The following GPC5 variants were observed in gnomAD, a reference collection of about 807,000 sequenced individuals.
GPC5 encodes glypican 5, also known as glypican-5.
GPC5 carries 47 observed loss-of-function variants against 53.9 expected under a neutral mutation model. The observed-to-expected ratio is 0.87, with a 90% CI of 0.69 to 1.11. GPC5 has a LOEUF of 1.11. Among genes scored for constraint, GPC5 ranks in the 50% most tolerant of loss-of-function variants. The pLI is 0.00. For missense variants in GPC5, 748 were observed against 713.1 expected (o/e 1.05, Z -0.56); for synonymous variants, 286 against 263.3 (o/e 1.09, Z -0.84).
At chr13:92,281,133 C>T (rs1036480528) in intron 7 of GPC5, among the ~76,000 whole-genome samples, 10 of 152,142 alleles carry the variant, frequency 6.6e-5, no homozygotes, top group Non-Finnish European at 8.8e-5. Context: ...CCCACGCCCA[C>T]GGAGCCTCGC....
At chr13:92,567,350 A>G (rs1348104150) in intron 7 of GPC5, among the ~76,000 whole-genome samples, 1 of 152,156 alleles carries the variant, frequency 6.6e-6, no homozygotes, top group South Asian at 2.1e-4. Context: ...ACCCAGTTCG[A>G]CACAAAATTT....
chr13:92,559,700 CA>C (rs1256680374), intron 7 of GPC5, among the ~76,000 whole-genome samples: 1 of 151,634 alleles, frequency 6.6e-6, no homozygotes, highest in Non-Finnish European at 1.5e-5. Context: ...CTTACCTTGC[CA>C]GGGGAAACTC....
chr13:91,434,462 G>C (rs544690727), intron 1 of GPC5, among the ~76,000 whole-genome samples: 17 of 152,058 alleles, frequency 1.1e-4, no homozygotes, highest in South Asian at 6.2e-4. Flanking sequence ...ATAGGGAATC[G>C]TTTCCCCATT....
intron 7 of GPC5, among the ~76,000 whole-genome samples, chr13:92,541,566 G>T (rs549513089): frequency 2.0e-5 from 3 of 147,276 alleles, no homozygotes; most frequent in African/African-American, 4.8e-5. Flanking sequence ...CCCTGCTCTA[G>T]AAATAGCTTT....
chr13:92,222,914 C>A (rs2042459935), intron 7 of GPC5, among the ~76,000 whole-genome samples: 2 of 152,094 alleles, frequency 1.3e-5, no homozygotes, highest in South Asian at 2.1e-4. Flanking sequence ...CAGTATGTAC[C>A]AGCTATTGGG....
At chr13:91,800,052 A>G (rs1388796652) in intron 5 of GPC5, among the ~76,000 whole-genome samples, 3 of 152,028 alleles carry the variant, frequency 2.0e-5, no homozygotes, top group Admixed American at 6.6e-5. Context: ...TCCTTCCACA[A>G]TATTCTAAAC....
intron 7 of GPC5, among the ~76,000 whole-genome samples, chr13:92,742,234 T>C (rs1303747620): frequency 1.3e-5 from 2 of 151,254 alleles, no homozygotes; most frequent in Non-Finnish European, 3.0e-5. Flanking sequence ...CTCCACATCC[T>C]CTCCAGCACC....
chr13:91,667,583 G>A (rs1454280442), intron 2 of GPC5, among the ~76,000 whole-genome samples: 1 of 152,080 alleles, frequency 6.6e-6, no homozygotes, highest in African/African-American at 2.4e-5. Context: ...GATGCACTGG[G>A]GATCAATCGC....
intron 7 of GPC5, among the ~76,000 whole-genome samples, chr13:92,626,268 A>G (rs1168339153): frequency 6.6e-6 from 1 of 152,198 alleles, no homozygotes; most frequent in Non-Finnish European, 1.5e-5. Context: ...GGGGATTCTC[A>G]TTCCTCAGGA....
At chr13:92,615,022 T>C (rs1345548235) in intron 7 of GPC5, among the ~76,000 whole-genome samples, 2 of 152,208 alleles carry the variant, frequency 1.3e-5, no homozygotes, top group Non-Finnish European at 2.9e-5. Context: ...GACAAAACAG[T>C]AATGCTTTTC....
intron 7 of GPC5, among the ~76,000 whole-genome samples, chr13:92,713,572 C>T (rs1386277421): frequency 1.4e-5 from 2 of 147,072 alleles, no homozygotes; most frequent in East Asian, 2.0e-4. Context: ...CGTGCCAATA[C>T]ACTCCAGCTT....
At chr13:91,435,046 A>C (rs1313179291) in intron 1 of GPC5, among the ~76,000 whole-genome samples, 2 of 152,208 alleles carry the variant, frequency 1.3e-5, no homozygotes, top group Non-Finnish European at 2.9e-5. Context: ...TTGTATGCTG[A>C]GACTTTGCTG....
chr13:91,959,251 A>G (rs1305401509), intron 6 of GPC5, among the ~76,000 whole-genome samples: 1 of 152,018 alleles, frequency 6.6e-6, no homozygotes, highest in Non-Finnish European at 1.5e-5. Flanking sequence ...AAATACAAAG[A>G]TCATCAGAGA....
At chr13:92,763,879 C>A (rs1566408219) in intron 7 of GPC5, among the ~76,000 whole-genome samples, 1 of 152,044 alleles carries the variant, frequency 6.6e-6, no homozygotes, top group Non-Finnish European at 1.5e-5. Context: ...GCAATAGAAC[C>A]AATAGAGCAG....
chr13:92,150,494 A>G (rs2041899278), intron 7 of GPC5, among the ~76,000 whole-genome samples: 1 of 152,030 alleles, frequency 6.6e-6, no homozygotes, highest in Non-Finnish European at 1.5e-5. Flanking sequence ...TTTCTAAATA[A>G]TTGATACTCA....
intron 6 of GPC5, among the ~76,000 whole-genome samples, chr13:92,083,058 A>G (rs780506698): frequency 5.3e-5 from 8 of 152,216 alleles, no homozygotes; most frequent in Non-Finnish European, 1.2e-4. Context: ...CATCACGGAG[A>G]TGCTTAAAAT....
intron 7 of GPC5, among the ~76,000 whole-genome samples, chr13:92,169,626 T>G (rs188456070): frequency 2.6e-5 from 4 of 152,194 alleles, no homozygotes; most frequent in African/African-American, 4.8e-5. Flanking sequence ...TATTAGCTTT[T>G]TAAAAATAAA....
At chr13:92,478,776 C>G (rs1286193301) in intron 7 of GPC5, among the ~76,000 whole-genome samples, 1 of 152,206 alleles carries the variant, frequency 6.6e-6, no homozygotes, top group East Asian at 1.9e-4. Context: ...TTATAGGAAT[C>G]TATCCAGCGG....
intron 5 of GPC5, among the ~76,000 whole-genome samples, chr13:91,843,960 G>T (rs1594611805): frequency 6.6e-6 from 1 of 152,166 alleles, no homozygotes; most frequent in Non-Finnish European, 1.5e-5. Flanking sequence ...AATAGATAAA[G>T]AACACAGGAT....
Sources: allele counts gnomAD v4.1 joint callset (sites outside exome capture counted in the v4.1 genomes callset), GRCh38; gene constraint gnomAD v4.1.1; transcripts MANE v1.5; gene names NCBI Gene and HGNC (gene_info 2026-07-23, HGNC 2026-07-21).